Variants in CTIF observed in about 807,000 individuals in gnomAD.
CTIF encodes the protein cap binding complex dependent translation initiation factor.
In CTIF, 21 loss-of-function variants were observed where a neutral mutation model predicts 66.0. That is an observed-to-expected ratio of 0.32 (90% CI 0.23 to 0.46). The LOEUF is 0.46. CTIF is among the 20% of genes least tolerant of loss of function. The probability of loss-of-function intolerance (pLI) is 1.00; values close to 1 mark genes in which losing one functional copy is unlikely to be tolerated. For missense variants in CTIF, 739 were observed against 812.7 expected (o/e 0.91, Z 1.10); for synonymous variants, 345 against 326.4 (o/e 1.06, Z -0.62).
At chr18:48,739,738 G>A (rs2092538248) in intron 7 of CTIF, among the ~76,000 whole-genome samples, 1 of 152,216 alleles carries the variant, frequency 6.6e-6, no homozygotes, top group African/African-American at 2.4e-5. Flanking sequence ...GTGGGGCACA[G>A]CTCTGTCATA....
intron 1 of CTIF, among the ~76,000 whole-genome samples, chr18:48,562,933 G>A (rs781622201): frequency 3.2e-4 from 49 of 152,214 alleles, no homozygotes; most frequent in Non-Finnish European, 1.0e-4. Flanking sequence ...ATCAGCAAAG[G>A]AGACTGCACA....
chr18:48,585,237 G>A (rs553668084), intron 1 of CTIF, among the ~76,000 whole-genome samples: 20 of 152,346 alleles, frequency 1.3e-4, no homozygotes, highest in South Asian at 8.3e-4. Context: ...TTTGAAGATC[G>A]TGCAAGAAAA....
At chr18:48,845,396 C>T (rs2069048463) in intron 10 of CTIF, among the ~76,000 whole-genome samples, 1 of 152,184 alleles carries the variant, frequency 6.6e-6, no homozygotes, top group Non-Finnish European at 1.5e-5. Flanking sequence ...TTTACTTGAC[C>T]TCTCTGAGCT....
At chr18:48,614,535 A>G (rs1320465087) in intron 1 of CTIF, among the ~76,000 whole-genome samples, 1 of 152,252 alleles carries the variant, frequency 6.6e-6, no homozygotes, top group Non-Finnish European at 1.5e-5. Flanking sequence ...TTATTCAGCC[A>G]TAAAGGGGCA....
chr18:48,594,239 T>A (rs758519482), intron 1 of CTIF, among the ~76,000 whole-genome samples: 6 of 152,104 alleles, frequency 3.9e-5, no homozygotes, highest in Non-Finnish European at 8.8e-5. Flanking sequence ...GGTCCCACAC[T>A]CAGAAGGGTT....
At chr18:48,588,414 C>T (rs1456450600) in intron 1 of CTIF, among the ~76,000 whole-genome samples, 3 of 152,248 alleles carry the variant, frequency 2.0e-5, no homozygotes, top group Non-Finnish European at 2.9e-5. Context: ...CCAGGCCTGT[C>T]TTCTGAGCCC....
chr18:48,562,730 T>C (rs2089190974), intron 1 of CTIF, among the ~76,000 whole-genome samples: 1 of 152,196 alleles, frequency 6.6e-6, no homozygotes, highest in Non-Finnish European at 1.5e-5. Flanking sequence ...AATAGACTCA[T>C]TTTTATCGAG....
intron 10 of CTIF, among the ~76,000 whole-genome samples, chr18:48,832,437 A>G (rs1029376409): frequency 6.6e-6 from 1 of 152,084 alleles, no homozygotes; most frequent in Non-Finnish European, 1.5e-5. Flanking sequence ...CCAAAGTGCT[A>G]AAGAGGGGGA....
At chr18:48,557,741 G>A (rs1031877650) in intron 1 of CTIF, among the ~76,000 whole-genome samples, 33 of 152,230 alleles carry the variant, frequency 2.2e-4, no homozygotes, top group African/African-American at 8.0e-4. Flanking sequence ...CACAGTGCTG[G>A]TAAATTCAGT....
At chr18:48,540,843 CCCG>C (rs2088594845) in intron 1 of CTIF, among the ~76,000 whole-genome samples, 1 of 152,102 alleles carries the variant, frequency 6.6e-6, no homozygotes, top group Non-Finnish European at 1.5e-5. Flanking sequence ...GTCGTGTGTC[CCCG>C]CGCGCGCGCG....
intron 10 of CTIF, among the ~76,000 whole-genome samples, chr18:48,841,639 C>A (rs952316009): frequency 2.0e-5 from 3 of 152,036 alleles, no homozygotes; most frequent in Non-Finnish European, 4.4e-5. Context: ...CTGCTTTGCT[C>A]GATTCAAGAC....
At chr18:48,757,395 A>G (rs1598986040) in intron 7 of CTIF, among the ~76,000 whole-genome samples, 1 of 152,154 alleles carries the variant, frequency 6.6e-6, no homozygotes, top group East Asian at 1.9e-4. Context: ...AATGTTCCAA[A>G]AAAAAAAAAG....
intron 10 of CTIF, among the ~76,000 whole-genome samples, chr18:48,818,261 T>C (rs886309277): frequency 6.6e-6 from 1 of 152,266 alleles, no homozygotes; most frequent in East Asian, 1.9e-4. Context: ...GGTTGGTGGC[T>C]TGGAAGACAG....
rs200357996 is a variant in CTIF, at chr18:48,859,563, C to A, written c.*4C>A. The A allele has an allele frequency of 6.2e-7, 1 of 1,613,666 alleles. No individual in the cohort carries two copies. The highest frequency in any genetic ancestry group is 8.5e-7 in the Non-Finnish European group (1 of 1,179,824). On this transcript the variant is annotated 3_prime_UTR_variant, in exon 12 of 12. Transcript: ENST00000256413. The stretch of plus-strand genomic sequence containing the variant: ...CATCCAGAAACTGACAGCCTGACAG[C>A]CAGGGGGCCTGGCAGGCGGCCCACG...
At chr18:48,669,790 CATTTAT>C (rs1555669145) in intron 5 of CTIF, among the ~76,000 whole-genome samples, 1,008 of 35,920 alleles carry the variant, frequency 0.028, 169 homozygotes, top group Non-Finnish European at 0.041. Context: ...ACAAGCTAAA[CATTTAT>C]ATATATATAT....
At chr18:48,690,223 T>G (rs1598877011) in intron 6 of CTIF, among the ~76,000 whole-genome samples, 1 of 152,174 alleles carries the variant, frequency 6.6e-6, no homozygotes, top group Non-Finnish European at 1.5e-5. Flanking sequence ...TTTGGGCGTT[T>G]ACAGACTCTC....
At chr18:48,692,340 A>C (rs924778062) in intron 6 of CTIF, among the ~76,000 whole-genome samples, 4 of 146,632 alleles carry the variant, frequency 2.7e-5, no homozygotes, top group Non-Finnish European at 5.9e-5. Flanking sequence ...CAAAAAACAA[A>C]AAAAAAAAAC....
intron 9 of CTIF, among the ~76,000 whole-genome samples, chr18:48,778,445 A>T (rs1910891621): frequency 6.6e-6 from 1 of 152,228 alleles, no homozygotes; most frequent in Non-Finnish European, 1.5e-5. Flanking sequence ...AGCCACAGGC[A>T]TTCCCTTTTG....
intron 6 of CTIF, among the ~76,000 whole-genome samples, chr18:48,675,546 A>G (rs2091614188): frequency 1.3e-5 from 2 of 152,164 alleles, no homozygotes; most frequent in Admixed American, 6.5e-5. Context: ...GCACATGCAC[A>G]CTGTCCTGAA....
Sources: allele counts gnomAD v4.1 joint callset (sites outside exome capture counted in the v4.1 genomes callset), GRCh38; gene constraint gnomAD v4.1.1; transcripts MANE v1.5; gene names NCBI Gene and HGNC (gene_info 2026-07-23, HGNC 2026-07-21).